Variants in CALN1 observed in about 807,000 individuals in gnomAD.
CALN1 encodes the protein calcium-binding protein 8.
CALN1 carries 17 observed loss-of-function variants against 30.6 expected under a neutral mutation model. That is an observed-to-expected ratio of 0.56 (90% CI 0.38 to 0.83). The LOEUF (loss-of-function observed/expected upper bound fraction) is 0.83, where lower values mean the gene tolerates loss of function less well. Among genes scored for constraint, CALN1 ranks in the 40% least tolerant of loss-of-function variants. The probability of loss-of-function intolerance (pLI) is 0.00; values close to 1 mark genes in which losing one functional copy is unlikely to be tolerated. For missense variants in CALN1, 291 were observed against 354.9 expected (o/e 0.82, Z 1.45); for synonymous variants, 156 against 131.4 (o/e 1.19, Z -1.28).
intron 2 of CALN1, among the ~76,000 whole-genome samples, chr7:72,401,278 ACGTTC>A (rs1352169734): frequency 3.3e-5 from 5 of 151,790 alleles, no homozygotes; most frequent in Non-Finnish European, 2.9e-5. Flanking sequence ...AGGGGAGAAC[ACGTTC>A]CTGATGGGCT....
chr7:71,806,495 C>T (rs943097442), intron 6 of CALN1, among the ~76,000 whole-genome samples: 19 of 152,138 alleles, frequency 1.2e-4, no homozygotes, highest in East Asian at 5.8e-4. Flanking sequence ...TTAGTAGAGA[C>T]GGGGTTTCAT....
intron 5 of CALN1, among the ~76,000 whole-genome samples, chr7:71,979,722 T>G (rs892462398): frequency 3.9e-5 from 6 of 152,056 alleles, no homozygotes; most frequent in Non-Finnish European, 8.8e-5. Context: ...CAACTAAAAA[T>G]AATGATACTC....
At chr7:71,893,573 C>G (rs1038353473) in intron 5 of CALN1, among the ~76,000 whole-genome samples, 2 of 151,830 alleles carry the variant, frequency 1.3e-5, no homozygotes, top group South Asian at 4.2e-4. Context: ...CACATGTAAT[C>G]GCAGCTACTT....
At chr7:71,895,516 A>G (rs753470775) in intron 5 of CALN1, among the ~76,000 whole-genome samples, 6 of 152,178 alleles carry the variant, frequency 3.9e-5, no homozygotes, top group Admixed American at 6.5e-5. Flanking sequence ...TGCTTTTGGT[A>G]GAAGCACCTC....
chr7:71,925,808 A>T (rs1449230266), intron 5 of CALN1, among the ~76,000 whole-genome samples: 3 of 152,128 alleles, frequency 2.0e-5, no homozygotes, highest in Non-Finnish European at 1.5e-5. Flanking sequence ...AAACTGGAGA[A>T]AGAGGCATTC....
intron 5 of CALN1, among the ~76,000 whole-genome samples, chr7:71,876,720 A>G (rs534939958): frequency 2.3e-4 from 35 of 152,294 alleles, no homozygotes; most frequent in African/African-American, 7.9e-4. Context: ...TAGAAAACAC[A>G]GTAAAAGTTC....
At chr7:72,202,913 A>G (rs1216034295) in intron 3 of CALN1, among the ~76,000 whole-genome samples, 1 of 152,236 alleles carries the variant, frequency 6.6e-6, no homozygotes, top group African/African-American at 2.4e-5. Flanking sequence ...ACTATTTACA[A>G]TAGCAAAGAC....
At chr7:72,409,076 A>C (rs908514621) in intron 1 of CALN1, among the ~76,000 whole-genome samples, 1 of 151,370 alleles carries the variant, frequency 6.6e-6, no homozygotes, top group Non-Finnish European at 1.5e-5. Flanking sequence ...GCTTACTGCA[A>C]CTTCCGCCTC....
At chr7:72,225,616 C>G (rs1914391) in intron 3 of CALN1, among the ~76,000 whole-genome samples, 2 of 151,918 alleles carry the variant, frequency 1.3e-5, no homozygotes, top group South Asian at 4.1e-4. Context: ...GCGAAGCCCT[C>G]GGCGCTACCT....
intron 5 of CALN1, among the ~76,000 whole-genome samples, chr7:71,853,377 A>G (rs1790759383): frequency 1.3e-5 from 2 of 152,174 alleles, no homozygotes; most frequent in African/African-American, 4.8e-5. Flanking sequence ...ATATATGTAT[A>G]CATTATGCAA....
At chr7:72,121,159 A>G (rs1808348510) in intron 3 of CALN1, among the ~76,000 whole-genome samples, 1 of 145,246 alleles carries the variant, frequency 6.9e-6, no homozygotes, top group South Asian at 2.1e-4. Context: ...TATATATAAA[A>G]TCTATATTAT....
intron 5 of CALN1, among the ~76,000 whole-genome samples, chr7:71,910,815 T>C (rs1439528919): frequency 6.6e-6 from 1 of 152,190 alleles, no homozygotes; most frequent in Non-Finnish European, 1.5e-5. Context: ...CCTATGAACC[T>C]GGGCACTACC....
At position 72,215,368 on chromosome 7, in the gene CALN1, C is replaced by T. The variant is rs989940361; in HGVS notation, c.244+63318G>A. Among the ~76,000 whole-genome samples, 26 of 152,144 alleles carry T rather than the reference C, an allele frequency of 1.7e-4. No individual in the cohort carries two copies. The East Asian group carries it at 4.1e-3, about 24-fold the overall frequency. Reference sequence around the variant, plus strand: ...CAGCACTTTGGGAGGCCGAGGTGGGCAGATCACCTGAGGTCAGGAGTTCGA... The same window carrying T: ...CAGCACTTTGGGAGGCCGAGGTGGGTAGATCACCTGAGGTCAGGAGTTCGA... On this transcript the variant is annotated intron_variant, in intron 3 of 6. Transcript: ENST00000395275.
intron 3 of CALN1, among the ~76,000 whole-genome samples, chr7:72,135,812 G>T (rs1374156323): frequency 6.6e-6 from 1 of 152,144 alleles, no homozygotes; most frequent in African/African-American, 2.4e-5. Context: ...AGCTATGAAA[G>T]TCCTAGATGG....
At chr7:72,324,434 G>A (rs1269894059) in intron 2 of CALN1, among the ~76,000 whole-genome samples, 1 of 151,842 alleles carries the variant, frequency 6.6e-6, no homozygotes, top group African/African-American at 2.4e-5. Flanking sequence ...AATCATACCT[G>A]CCTCTTGCAT....
In CALN1 at chr7:72,278,705, G is replaced by A. The variant is rs780901047; in HGVS notation, c.225C>T (p.Ile75=). 9.3e-6 allele frequency: 15 copies of A among 1,613,698 alleles called. No homozygotes were observed. In the South Asian group the frequency reaches 1.5e-4, roughly 17 times the overall value. Residue 75 remains isoleucine, a synonymous_variant, in exon 3 of 7, where the codon ATC becomes ATT. Coordinates refer to ENST00000395275, the MANE Select transcript of CALN1 (RefSeq NM_031468.4). ...AGSDSEQLAN[I]SVEELDEIRE... ...CCTTACCATCGAGCTCCTCCACGGA[G>A]ATATTAGCCAGCTGTTCGCTGTCAC... is the stretch of plus-strand genomic sequence containing the variant.
intron 4 of CALN1, among the ~76,000 whole-genome samples, chr7:72,046,623 T>C (rs961770396): frequency 8.5e-5 from 12 of 141,358 alleles, no homozygotes; most frequent in Admixed American, 7.8e-4. Flanking sequence ...GGCAGAAGTA[T>C]CACTTGAACC....
At chr7:72,441,112 T>C (rs1363126702) in intron 1 of CALN1, among the ~76,000 whole-genome samples, 1 of 152,208 alleles carries the variant, frequency 6.6e-6, no homozygotes, top group Non-Finnish European at 1.5e-5. Context: ...TGTTCTTTAC[T>C]CCTGGTATGC....
chr7:72,041,020 G>A (rs1313763170), intron 4 of CALN1, among the ~76,000 whole-genome samples: 1 of 152,120 alleles, frequency 6.6e-6, no homozygotes, highest in Non-Finnish European at 1.5e-5. Context: ...GCTTGAGGGT[G>A]GTCTAGCATG....
Sources: allele counts gnomAD v4.1 joint callset (sites outside exome capture counted in the v4.1 genomes callset), GRCh38; gene constraint gnomAD v4.1.1; transcripts MANE v1.5; gene names NCBI Gene and HGNC (gene_info 2026-07-23, HGNC 2026-07-21).